Variants in MAPK8IP3 observed in about 807,000 individuals in gnomAD.
The protein encoded by MAPK8IP3 is C-Jun-amino-terminal kinase-interacting protein 3.
MAPK8IP3 carries 49 observed loss-of-function variants against 157.8 expected under a neutral mutation model. That is an observed-to-expected ratio of 0.31 (90% confidence interval 0.25 to 0.39). MAPK8IP3 has a LOEUF of 0.39. Ranked by LOEUF, MAPK8IP3 falls within the 10% of genes least tolerant of loss-of-function variation. The probability of loss-of-function intolerance (pLI) is 1.00; values close to 1 mark genes in which losing one functional copy is unlikely to be tolerated. For missense variants in MAPK8IP3, 1,478 were observed against 1,889.4 expected (o/e 0.78, Z 4.04); for synonymous variants, 897 against 777.7 (o/e 1.15, Z -2.55).
intron 4 of MAPK8IP3, among the ~76,000 whole-genome samples, chr16:1,738,842 C>G (rs1459947502): frequency 9.2e-6 from 1 of 109,188 alleles, no homozygotes; most frequent in Non-Finnish European, 1.9e-5. Flanking sequence ...TGTGAGCGTC[C>G]GTGTGAGCGT....
chr16:1,764,485 AC>A (rs758274303), intron 19 of MAPK8IP3, 26 bp downstream of exon 19: 3 of 1,602,792 alleles, frequency 1.9e-6, no homozygotes, highest in Non-Finnish European at 2.6e-6. Context: ...GCCACCGGGC[AC>A]CCTCCCTGGC....
chr16:1,748,052 C>A (rs539986641), intron 6 of MAPK8IP3, among the ~76,000 whole-genome samples, 192 bp from the exon 7 acceptor site: 1 of 152,170 alleles, frequency 6.6e-6, no homozygotes, highest in African/African-American at 2.4e-5. Context: ...CTCCAGGCCC[C>A]GCCTCAGACG....
chr16:1,722,773 T>G, intron 1 of MAPK8IP3, among the ~76,000 whole-genome samples: 1 of 152,060 alleles, frequency 6.6e-6, no homozygotes, highest in Non-Finnish European at 1.5e-5. Flanking sequence ...GGCGCTATCT[T>G]GGCTCACTAC....
intron 1 of MAPK8IP3, among the ~76,000 whole-genome samples, chr16:1,713,295 G>C (rs546909132): frequency 6.6e-6 from 1 of 152,300 alleles, no homozygotes; most frequent in East Asian, 1.9e-4. Flanking sequence ...CGTTGCCCAG[G>C]CTGGTCTCAA....
intron 9 of MAPK8IP3, 58 bp from the exon 10 acceptor site, chr16:1,758,920 T>C (rs1388900660): frequency 8.2e-6 from 13 of 1,595,026 alleles, no homozygotes; most frequent in Non-Finnish European, 1.1e-5. Flanking sequence ...TCTCTCCCTT[T>C]CTCCCTCTCC....
In MAPK8IP3 at chr16:1,742,433, G is replaced by T. The variant is rs2141844268; in HGVS notation, c.603-899G>T. Among the ~76,000 whole-genome samples, 1 of 152,312 alleles carries T rather than the reference G, an allele frequency of 6.6e-6. No homozygotes were observed. The highest frequency in any genetic ancestry group is 1.9e-4 in the East Asian group (1 of 5,176). ...CCCAGGGTCCGTCTTCAGGTTCGGG[G>T]CTCCCTGACAGCAGAGAGGACACGT... On this transcript the variant is annotated intron_variant, in intron 4 of 31. Transcript: ENST00000610761. This position sits in a 1 kb window ranked among gnomAD's most constrained non-coding sequence, Gnocchi z 5.0.
At chr16:1,737,630 A>G (rs1168243767) in intron 4 of MAPK8IP3, among the ~76,000 whole-genome samples, 7 of 60,514 alleles carry the variant, frequency 1.2e-4, no homozygotes, top group African/African-American at 3.7e-4. Context: ...GTGACCATCC[A>G]TGTGAGCATC....
At chr16:1,731,550 A>G (rs979445217) in intron 4 of MAPK8IP3, among the ~76,000 whole-genome samples, 2 of 152,220 alleles carry the variant, frequency 1.3e-5, no homozygotes, top group Admixed American at 1.3e-4. Flanking sequence ...GGTTAGTTCC[A>G]GGGGCTCCAA....
Position 1,724,463 on chromosome 16 carries a change from C to T in MAPK8IP3, c.319-94C>T. On this transcript the variant is annotated intron_variant, in intron 1 of 31. Transcript: ENST00000610761. This position sits in a 1 kb window ranked among gnomAD's most constrained non-coding sequence, Gnocchi z 4.1. ...TTGTGGCCCTGGGGACATCTTTGGCCCCTGGGCCCTCAAAGCCTGCGGCCC... is the reference window on the plus strand; with the variant it reads ...TTGTGGCCCTGGGGACATCTTTGGCTCCTGGGCCCTCAAAGCCTGCGGCCC... The T allele has an allele frequency of 1.3e-6, 2 of 1,509,064 alleles. No individual in the cohort carries two copies. The highest frequency in any genetic ancestry group is 1.8e-6 in the Non-Finnish European group (2 of 1,120,502). 93.5% of individuals were successfully genotyped at this position (1,509,064 alleles called of 1,614,324 possible). A position where few individuals can be genotyped will look rare whatever the true frequency, so the allele number is the denominator to read the frequency against.
intron 1 of MAPK8IP3, among the ~76,000 whole-genome samples, chr16:1,717,398 C>G (rs181953427): frequency 2.6e-5 from 4 of 152,252 alleles, no homozygotes; most frequent in African/African-American, 9.6e-5. Flanking sequence ...ATATTGGTAC[C>G]TAGATGTGAG....
rs1015322746 is a variant in MAPK8IP3 at position 1,706,891 on chromosome 16, G to A, written c.318+234G>A. Reference sequence around the variant, plus strand: ...ACCTCCCTAGAGCACTCCCCCGCCTGCCCCGGGACCCCACCCCGACTCCCG... The same window carrying A: ...ACCTCCCTAGAGCACTCCCCCGCCTACCCCGGGACCCCACCCCGACTCCCG... On this transcript the variant is annotated intron_variant, in intron 1 of 31. Coordinates refer to ENST00000610761, the MANE Select transcript of MAPK8IP3 (RefSeq NM_001318852.2). The surrounding 1 kb of genome is among the most constrained non-coding windows in gnomAD (Gnocchi z 5.1). 9.8e-6 allele frequency among the ~76,000 whole-genome samples: 1 copy of A among 101,810 alleles called. No homozygotes were observed. Among genetic ancestry groups the A allele is most frequent in the African/African-American group, 3.9e-5 (1 of 25,872 alleles). The allele number at this position is 101,810 out of a possible 152,430, so 66.8% of individuals were successfully genotyped here. A position where few individuals can be genotyped will look rare whatever the true frequency, so the allele number is the denominator to read the frequency against.
intron 1 of MAPK8IP3, among the ~76,000 whole-genome samples, chr16:1,723,019 G>A (rs961288993): frequency 7.9e-6 from 1 of 126,746 alleles, no homozygotes; most frequent in African/African-American, 3.1e-5. Flanking sequence ...TTGTTTGTTT[G>A]TTTTTGTTTT....
At position 1,766,907 on chromosome 16, in the gene MAPK8IP3, T is replaced by C. The variant is rs2042302461; in HGVS notation, c.3024T>C (p.His1008=). 1.2e-6 allele frequency: 2 copies of C among 1,602,746 alleles called. No homozygotes were observed. The highest frequency in any genetic ancestry group is 1.3e-5 in the African/African-American group (1 of 74,760). The change falls in exon 25 of 32, where the codon CAT becomes CAC. Residue 1008 remains histidine (H), a synonymous_variant. Coordinates refer to ENST00000610761, the MANE Select transcript of MAPK8IP3 (RefSeq NM_001318852.2). ...GCTCACCGCATTCCTGTTTCAGGCA[T>C]GTCAAAGGCCGTGTGCTGGTGGCTC... The part of the protein sequence containing the change: ...KLKDSVLSLV[H]VKGRVLVALA...
intron 5 of MAPK8IP3, chr16:1,744,875 T>C (rs2040874427): frequency 1.0e-6 from 1 of 961,802 alleles, no homozygotes; most frequent in African/African-American, 1.8e-5. Context: ...ACATTTAAGT[T>C]CTTTTTATTT....
intron 1 of MAPK8IP3, among the ~76,000 whole-genome samples, chr16:1,722,011 C>T (rs2038559843): frequency 6.6e-6 from 1 of 151,980 alleles, no homozygotes; most frequent in African/African-American, 2.4e-5. Context: ...CCTCGTCATC[C>T]CCCCCGCCTC....
At chr16:1,759,022 G>C (rs1244026712) in intron 10 of MAPK8IP3, 27 bp downstream of exon 10, 1 of 1,613,926 alleles carries the variant, frequency 6.2e-7, no homozygotes. Flanking sequence ...GTTCCAGCGT[G>C]CGTCGCTCCT....
At position 1,744,786 on chromosome 16, in the gene MAPK8IP3, G is replaced by A. The variant is rs967478495; in HGVS notation, c.747+1310G>A. 22 of 985,438 alleles carry A rather than the reference G, an allele frequency of 2.2e-5. No homozygotes were observed. In the East Asian group the frequency reaches 6.8e-4, roughly 30 times the overall value. The allele number at this position is 985,438 out of a possible 1,614,324, so 61.0% of individuals were successfully genotyped here. On this transcript the variant is annotated intron_variant, in intron 5 of 31. Coordinates refer to ENST00000610761, the MANE Select transcript of MAPK8IP3 (RefSeq NM_001318852.2). ...ACCTCCTGCGTTGTCTGACATCGTC[G>A]CTCTCTTCATAAATTGTAGCGTTTT...
At position 1,729,200 on chromosome 16, in the gene MAPK8IP3, C is replaced by T. The variant is rs1202109678; in HGVS notation, c.502C>T (p.His168Tyr). The T allele has an allele frequency of 3.7e-6, 6 of 1,613,932 alleles. No individual in the cohort carries two copies. Among genetic ancestry groups the T allele is most frequent in the South Asian group, 1.1e-5 (1 of 91,090 alleles). Residue 168 changes from histidine to tyrosine, a missense_variant, in exon 3 of 32, where the codon CAC becomes TAC. This residue lies in a region of MAPK8IP3 where 315 missense variants were observed against 394.4 expected (regional missense o/e 0.80). Coordinates refer to ENST00000610761, the MANE Select transcript of MAPK8IP3 (RefSeq NM_001318852.2). Reference sequence around the variant, plus strand: ...GGAGTACAATGCCCTGCACCAGCGGCACACAGAGGTGGGCGCCCAGAGGCA... The same window carrying T: ...GGAGTACAATGCCCTGCACCAGCGGTACACAGAGGTGGGCGCCCAGAGGCA... ...KKEYNALHQR[H>Y]TEMIQTYVEH...
chr16:1,759,263 G>A (rs1383216925), intron 10 of MAPK8IP3, among the ~76,000 whole-genome samples: 6 of 119,450 alleles, frequency 5.0e-5, no homozygotes, highest in Non-Finnish European at 1.0e-4. Context: ...CCTGCCTGTG[G>A]GGAGGAAGGC....
Sources: gnomAD v4.1 joint callset for allele counts (sites outside exome capture counted in the v4.1 genomes callset) on GRCh38, gnomAD v4.1.1 for gene constraint, gnomAD v4.1.1 regional missense constraint, Gnocchi (gnomAD v3.1) non-coding constraint, MANE v1.5 for transcripts, NCBI Gene and HGNC (gene_info 2026-07-23, HGNC 2026-07-21) for gene names.